The following AGMO variants were observed in gnomAD, a reference collection of about 807,000 sequenced individuals.
AGMO encodes alkylglycerol monooxygenase.
In AGMO, 75 loss-of-function variants were observed where a neutral mutation model predicts 60.2. That is an observed-to-expected ratio of 1.25 (90% CI 1.03 to 1.51). The LOEUF is 1.51. Among genes scored for constraint, AGMO ranks in the 40% most tolerant of loss-of-function variants. The probability of loss-of-function intolerance (pLI) is 0.00; values close to 1 mark genes in which losing one functional copy is unlikely to be tolerated. For synonymous variants in AGMO, 261 were observed against 177.1 expected, an observed-to-expected ratio of 1.47 and a Z score of -3.76; for missense variants, 763 against 525.5, an observed-to-expected ratio of 1.45 and a Z score of -4.42.
intron 3 of AGMO, among the ~76,000 whole-genome samples, chr7:15,471,437 T>A (rs1235664753): frequency 6.6e-6 from 1 of 151,930 alleles, no homozygotes; most frequent in Non-Finnish European, 1.5e-5. Flanking sequence ...AAAAATGAGA[T>A]CATTACCCAG....
Position 15,202,034 on chromosome 7 carries a change from C to T in AGMO, c.1264-675G>A, listed in dbSNP as rs79673135. Reference sequence around the variant, plus strand: ...ACACTTCCCTATGCTCTTACCTAGGCACCGACAATTAAAACTATAGGATTG... The same window carrying T: ...ACACTTCCCTATGCTCTTACCTAGGTACCGACAATTAAAACTATAGGATTG... On this transcript the variant is annotated intron_variant, in intron 12 of 12. Coordinates refer to ENST00000342526, the MANE Select transcript of AGMO (RefSeq NM_001004320.2). Among the ~76,000 whole-genome samples the T allele has an allele frequency of 3.2e-3, 488 of 152,214 alleles. 2 individuals are homozygous for T. The highest frequency in any genetic ancestry group is 0.011 in the African/African-American group (454 of 41,528).
At chr7:15,125,721 A>C in the AGMO span, among the ~76,000 whole-genome samples, 1 of 152,088 alleles carries the variant, frequency 6.6e-6, no homozygotes, top group Non-Finnish European at 1.5e-5. Flanking sequence ...AAGATTCAAC[A>C]ATAGTTACAT....
At chr7:15,169,417 G>A in the AGMO span, among the ~76,000 whole-genome samples, 1 of 151,906 alleles carries the variant, frequency 6.6e-6, no homozygotes, top group Non-Finnish European at 1.5e-5. Flanking sequence ...GTGGGCAATT[G>A]GTGTCTTTTT....
the AGMO span, among the ~76,000 whole-genome samples, chr7:15,118,173 A>AC: frequency 0.14 from 19,788 of 144,548 alleles, 1,795 homozygotes; most frequent in Admixed American, 0.18. Context: ...ACTAAAGAGA[A>AC]ACACACACAC....
chr7:15,162,378 T>G, the AGMO span, among the ~76,000 whole-genome samples: 1 of 152,100 alleles, frequency 6.6e-6, no homozygotes, highest in Non-Finnish European at 1.5e-5. Flanking sequence ...GCTATGCCAT[T>G]TTAGGATGGG....
chr7:15,425,461 G>A (rs933230980), intron 4 of AGMO, among the ~76,000 whole-genome samples: 2 of 150,050 alleles, frequency 1.3e-5, no homozygotes, highest in South Asian at 2.1e-4. Flanking sequence ...GAGAAAGAGG[G>A]TCTTGCTCTG....
intron 2 of AGMO, among the ~76,000 whole-genome samples, chr7:15,553,339 A>G (rs1313377912): frequency 6.6e-6 from 1 of 151,452 alleles, no homozygotes; most frequent in Non-Finnish European, 1.5e-5. Flanking sequence ...ATAAATAAAT[A>G]AATAAAATAA....
intron 3 of AGMO, among the ~76,000 whole-genome samples, chr7:15,533,163 A>G (rs1304086501): frequency 6.6e-6 from 1 of 152,132 alleles, no homozygotes; most frequent in Non-Finnish European, 1.5e-5. Flanking sequence ...AGTCACTAAA[A>G]AGATACTTGG....
intron 12 of AGMO, among the ~76,000 whole-genome samples, chr7:15,204,096 A>G (rs1781378518): frequency 6.6e-6 from 1 of 152,174 alleles, no homozygotes; most frequent in Non-Finnish European, 1.5e-5. Context: ...CCATTCCATT[A>G]GAAAATATTT....
chr7:15,361,621 A>C (rs186960443), intron 12 of AGMO, among the ~76,000 whole-genome samples: 135 of 151,956 alleles, frequency 8.9e-4, no homozygotes, highest in Non-Finnish European at 1.6e-3. Flanking sequence ...CAAATTAAAA[A>C]AAAGAAAGAG....
At chr7:15,372,843 A>T (rs1022915512) in intron 10 of AGMO, among the ~76,000 whole-genome samples, 1 of 152,238 alleles carries the variant, frequency 6.6e-6, no homozygotes, top group African/African-American at 2.4e-5. Context: ...AATTGAAATT[A>T]TTCTAAATTA....
chr7:15,431,928 G>C (rs1054390720), intron 3 of AGMO, among the ~76,000 whole-genome samples: 2 of 151,718 alleles, frequency 1.3e-5, no homozygotes, highest in Non-Finnish European at 3.0e-5. Context: ...AGTTGACACA[G>C]AATAGCCCAA....
At chr7:15,339,488 T>C (rs963405096) in intron 12 of AGMO, among the ~76,000 whole-genome samples, 1 of 152,204 alleles carries the variant, frequency 6.6e-6, no homozygotes. Context: ...TTTTAGAGGA[T>C]GTTCAGCTGG....
At chr7:15,485,819 C>T (rs1195357632) in intron 3 of AGMO, among the ~76,000 whole-genome samples, 2 of 151,914 alleles carry the variant, frequency 1.3e-5, no homozygotes, top group Non-Finnish European at 2.9e-5. Flanking sequence ...GCTGCTCTCT[C>T]GGTGAAGCAT....
rs199744253 is a variant in AGMO at position 15,390,818 on chromosome 7, G to T, written c.742+22C>A. ...AGTAAAGGAGCTGATTTAATTTTTT[G>T]ATTTTAATACATTTTACTTACCAAA... On this transcript the variant is annotated intron_variant, in intron 7 of 12. Transcript: ENST00000342526. The T allele has an allele frequency of 6.9e-6, 11 of 1,590,230 alleles. No individual in the cohort carries two copies. In the Admixed American group the frequency reaches 1.0e-4, roughly 15 times the overall value.
intron 2 of AGMO, among the ~76,000 whole-genome samples, chr7:15,553,302 C>T (rs1785028311): frequency 6.7e-6 from 1 of 149,038 alleles, no homozygotes; most frequent in Non-Finnish European, 1.5e-5. Context: ...GCACATGTAC[C>T]CTAAAACTTA....
At chr7:15,354,293 AATAT>A (rs1355995881) in intron 12 of AGMO, among the ~76,000 whole-genome samples, 6 of 90,622 alleles carry the variant, frequency 6.6e-5, no homozygotes, top group African/African-American at 1.0e-4. Context: ...GAATGAGATA[AATAT>A]ATATACGTGT....
chr7:15,365,466 G>T, intron 12 of AGMO, 48 bp downstream of exon 12: 1 of 1,133,800 alleles, frequency 8.8e-7, no homozygotes, highest in Non-Finnish European at 1.3e-6. Context: ...TAAATTAAAT[G>T]TGCGATAGGT....
chr7:15,248,611 C>T (rs889133953), intron 12 of AGMO, among the ~76,000 whole-genome samples: 15 of 152,020 alleles, frequency 9.9e-5, no homozygotes, highest in African/African-American at 3.6e-4. Context: ...ATGAGTGATG[C>T]CCACAATTAA....
Sources: allele counts gnomAD v4.1 joint callset (sites outside exome capture counted in the v4.1 genomes callset), GRCh38; gene constraint gnomAD v4.1.1; transcripts MANE v1.5; gene names NCBI Gene and HGNC (gene_info 2026-07-23, HGNC 2026-07-21).